SND1: variants seen among roughly 807,000 people sequenced by gnomAD.
SND1 encodes the protein staphylococcal nuclease domain-containing protein 1.
In SND1, 38 loss-of-function variants were observed where a neutral mutation model predicts 121.7. That is an observed-to-expected ratio of 0.31 (90% CI 0.24 to 0.41). SND1 has a LOEUF of 0.41. SND1 is among the 10% of genes least tolerant of loss of function. The probability of loss-of-function intolerance (pLI) is 1.00; values close to 1 mark genes in which losing one functional copy is unlikely to be tolerated. For missense variants in SND1, 868 were observed against 1,184.6 expected, an observed-to-expected ratio of 0.73 and a Z score of 3.92; for synonymous variants, 401 against 447.4, an observed-to-expected ratio of 0.90 and a Z score of 1.31.
intron 4 of SND1, among the ~76,000 whole-genome samples, chr7:127,699,903 A>G (rs1796072448): frequency 6.6e-6 from 1 of 152,214 alleles, no homozygotes; most frequent in Admixed American, 6.5e-5. Flanking sequence ...CATTCTTTCT[A>G]CCTTCACAGA....
intron 13 of SND1, among the ~76,000 whole-genome samples, chr7:127,891,096 T>G (rs1800001902): frequency 6.6e-6 from 1 of 152,090 alleles, no homozygotes; most frequent in Non-Finnish European, 1.5e-5. Flanking sequence ...GGTGCCATCT[T>G]CTCGATGCTA....
chr7:128,087,475 A>G (rs1460506831), intron 21 of SND1, among the ~76,000 whole-genome samples: 1 of 152,194 alleles, frequency 6.6e-6, no homozygotes, highest in African/African-American at 2.4e-5. Context: ...TGTTTCTGAA[A>G]GTTAGTTCTG....
At chr7:127,851,143 C>A (rs921729922) in intron 12 of SND1, among the ~76,000 whole-genome samples, 4 of 152,300 alleles carry the variant, frequency 2.6e-5, no homozygotes, top group Non-Finnish European at 5.9e-5. Flanking sequence ...CATAATGGCA[C>A]CCTTGAATCC....
At chr7:127,765,913 G>T (rs1284324416) in intron 10 of SND1, among the ~76,000 whole-genome samples, 1 of 152,118 alleles carries the variant, frequency 6.6e-6, no homozygotes, top group Non-Finnish European at 1.5e-5. Flanking sequence ...ATATTCCTTG[G>T]ATGAACATGG....
chr7:127,993,898 A>T (rs574501044), intron 16 of SND1, among the ~76,000 whole-genome samples: 2 of 152,232 alleles, frequency 1.3e-5, no homozygotes, highest in African/African-American at 4.8e-5. Flanking sequence ...ATGTGAAACC[A>T]TAAACTAACC....
chr7:127,729,439 C>CTTTTTTTTTTTTTTTTTTTTTT (rs10712716), intron 10 of SND1, among the ~76,000 whole-genome samples: 1 of 97,360 alleles, frequency 1.0e-5, no homozygotes, highest in Non-Finnish European at 2.1e-5. Context: ...AGATAAATTA[C>CTTTTTTTTTTTTTTTTTTTTTT]TTTTTTTTTT....
At chr7:127,782,485 T>G (rs11971935) in intron 10 of SND1, among the ~76,000 whole-genome samples, 49,592 of 152,064 alleles carry the variant, frequency 0.33, 8,980 homozygotes, top group Admixed American at 0.42. Flanking sequence ...ATTTTTCTAT[T>G]TAAGCCTCAT....
intron 21 of SND1, among the ~76,000 whole-genome samples, chr7:128,089,265 G>A (rs561160058): frequency 6.6e-6 from 1 of 152,264 alleles, no homozygotes; most frequent in African/African-American, 2.4e-5. Flanking sequence ...TGTTGGCCAG[G>A]CTGGTCGCCA....
At position 127,930,899 on chromosome 7, in the gene SND1, A is replaced by G. The variant is rs540473252; in HGVS notation, c.1669+1570A>G. ...TTGTGACAACCTGTGTTAAGCAAGT[A>G]TGTCAGTGCCATTTCTCCAGCAGCA... On this transcript the variant is annotated intron_variant, in intron 15 of 23. Coordinates refer to ENST00000354725, the MANE Select transcript of SND1 (RefSeq NM_014390.4). Among the ~76,000 whole-genome samples, 5 of 152,312 alleles carry G rather than the reference A, an allele frequency of 3.3e-5. No homozygotes were observed. The South Asian group carries it at 8.3e-4, about 25-fold the overall frequency.
chr7:127,832,815 T>G (rs1231520199), intron 11 of SND1, among the ~76,000 whole-genome samples: 1 of 152,230 alleles, frequency 6.6e-6, no homozygotes, highest in Non-Finnish European at 1.5e-5. Context: ...CCAGCCAGCG[T>G]CACTGCCTGA....
At chr7:127,962,364 A>G (rs144389728) in intron 15 of SND1, among the ~76,000 whole-genome samples, 1 of 152,284 alleles carries the variant, frequency 6.6e-6, no homozygotes, top group Admixed American at 6.5e-5. Flanking sequence ...ATACGTATAT[A>G]TTTCTCTGGA....
intron 15 of SND1, among the ~76,000 whole-genome samples, chr7:127,982,570 A>T (rs531899228): frequency 5.9e-5 from 9 of 152,382 alleles, no homozygotes; most frequent in African/African-American, 2.2e-4. Context: ...AGAACAAGGG[A>T]GAGAATAAAG....
intron 10 of SND1, among the ~76,000 whole-genome samples, chr7:127,783,829 G>A (rs1198430975): frequency 6.6e-6 from 1 of 152,216 alleles, no homozygotes; most frequent in Non-Finnish European, 1.5e-5. Context: ...CTTTGGTCAT[G>A]TATGAAATAG....
chr7:127,931,708 A>C (rs1800958467), intron 15 of SND1, among the ~76,000 whole-genome samples: 1 of 152,200 alleles, frequency 6.6e-6, no homozygotes, highest in Non-Finnish European at 1.5e-5. Context: ...GACCTTATGC[A>C]GCTGGTGACT....
chr7:127,978,585 G>T (rs1329690976), intron 15 of SND1, among the ~76,000 whole-genome samples: 1 of 152,114 alleles, frequency 6.6e-6, no homozygotes, highest in Admixed American at 6.6e-5. Flanking sequence ...GGAGAGAAAG[G>T]TTAAGGGCAC....
intron 14 of SND1, among the ~76,000 whole-genome samples, chr7:127,923,826 C>G (rs892231997): frequency 6.6e-6 from 1 of 152,196 alleles, no homozygotes; most frequent in African/African-American, 2.4e-5. Flanking sequence ...ATACACAATA[C>G]ACTTAAAATG....
chr7:128,007,809 A>C (rs2116942989), intron 16 of SND1, among the ~76,000 whole-genome samples: 1 of 152,346 alleles, frequency 6.6e-6, no homozygotes, highest in Admixed American at 6.5e-5. Context: ...TGACCCATTC[A>C]GTTTCCAAGG....
intron 16 of SND1, among the ~76,000 whole-genome samples, chr7:128,010,728 TGGGTCCA>T (rs1803095958): frequency 6.6e-6 from 1 of 152,250 alleles, no homozygotes; most frequent in Non-Finnish European, 1.5e-5. Context: ...GCTTAGGCAG[TGGGTCCA>T]TAAAGCAAGA....
chr7:127,982,259 A>G (rs1802282909), intron 15 of SND1, among the ~76,000 whole-genome samples: 1 of 152,164 alleles, frequency 6.6e-6, no homozygotes, highest in African/African-American at 2.4e-5. Flanking sequence ...TCTTGTTCCA[A>G]TTCCAAATTA....
Sources: allele counts gnomAD v4.1 joint callset (sites outside exome capture counted in the v4.1 genomes callset), GRCh38; gene constraint gnomAD v4.1.1; transcripts MANE v1.5; gene names NCBI Gene and HGNC (gene_info 2026-07-23, HGNC 2026-07-21).